Variants in SLC24A3 observed in about 807,000 individuals in gnomAD.
SLC24A3 encodes solute carrier family 24 member 3, also known as sodium/potassium/calcium exchanger 3.
SLC24A3 carries 28 observed loss-of-function variants against 75.8 expected under a neutral mutation model. The ratio of observed to expected loss-of-function variants is 0.37; its 90% confidence interval spans 0.27 to 0.51. The LOEUF is 0.51. SLC24A3 is among the 20% of genes least tolerant of loss of function. SLC24A3 has a pLI of 0.94. For missense variants in SLC24A3, 663 were observed against 847.8 expected, an observed-to-expected ratio of 0.78 and a Z score of 2.71; for synonymous variants, 372 against 334.1, an observed-to-expected ratio of 1.11 and a Z score of -1.24.
At chr20:19,295,247 A>G (rs529398972) in intron 2 of SLC24A3, among the ~76,000 whole-genome samples, 2 of 152,204 alleles carry the variant, frequency 1.3e-5, no homozygotes, top group African/African-American at 4.8e-5. Context: ...TTGTCAGCTT[A>G]AGAAGCTTTT....
At chr20:19,671,631 G>T (rs1471814683) in intron 8 of SLC24A3, among the ~76,000 whole-genome samples, 4 of 146,442 alleles carry the variant, frequency 2.7e-5, no homozygotes, top group Non-Finnish European at 6.0e-5. Flanking sequence ...CAAAGCCCAG[G>T]GTTGGTTTTT....
At chr20:19,610,523 GCAT>G (rs1315507065) in intron 6 of SLC24A3, among the ~76,000 whole-genome samples, 1 of 152,144 alleles carries the variant, frequency 6.6e-6, no homozygotes, top group Non-Finnish European at 1.5e-5. Context: ...CCTTTTTTCT[GCAT>G]CAAGTTTTGT....
chr20:19,608,805 G>A (rs886564622), intron 6 of SLC24A3, among the ~76,000 whole-genome samples: 11 of 152,104 alleles, frequency 7.2e-5, no homozygotes, highest in Admixed American at 4.6e-4. Flanking sequence ...TGATCTGACC[G>A]CTTTAAAAAC....
intron 9 of SLC24A3, among the ~76,000 whole-genome samples, chr20:19,679,056 C>T (rs1197929422): frequency 2.7e-5 from 4 of 149,616 alleles, no homozygotes; most frequent in African/African-American, 7.4e-5. Context: ...ACATCCCAGA[C>T]GATGGGCGGC....
rs1308506894 is a variant in SLC24A3 at position 19,390,200 on chromosome 20, G to A, written c.271+109113G>A. 2.6e-5 allele frequency among the ~76,000 whole-genome samples: 4 copies of A among 152,034 alleles called. No homozygotes were observed. In the East Asian group the frequency reaches 7.7e-4, roughly 29 times the overall value. ...TTATTATTTTGAATTCTTTGGCCAGGCAGTTTATAAATTTCTATATTTTGA... is the reference window on the plus strand; with the variant it reads ...TTATTATTTTGAATTCTTTGGCCAGACAGTTTATAAATTTCTATATTTTGA... On this transcript the variant is annotated intron_variant, in intron 2 of 16. Coordinates refer to ENST00000328041, the MANE Select transcript of SLC24A3 (RefSeq NM_020689.4).
At chr20:19,705,355 G>T (rs139079309) in intron 15 of SLC24A3, among the ~76,000 whole-genome samples, 1,601 of 152,248 alleles carry the variant, frequency 0.011, 29 homozygotes, top group African/African-American at 0.036. Flanking sequence ...CTCTCTTTGG[G>T]TGTCTTCAAG....
At chr20:19,476,189 G>C (rs1196296777) in intron 2 of SLC24A3, among the ~76,000 whole-genome samples, 1 of 152,174 alleles carries the variant, frequency 6.6e-6, no homozygotes, top group Non-Finnish European at 1.5e-5. Context: ...TTATATAAAT[G>C]CCTTCAGAGA....
intron 8 of SLC24A3, among the ~76,000 whole-genome samples, chr20:19,667,499 G>A (rs6046236): frequency 0.15 from 22,134 of 152,236 alleles, 1,746 homozygotes; most frequent in Non-Finnish European, 0.18. Flanking sequence ...GCAAACAGTA[G>A]GTGCTTCAAC....
intron 2 of SLC24A3, among the ~76,000 whole-genome samples, chr20:19,425,629 T>A (rs1416547744): frequency 6.6e-6 from 1 of 152,174 alleles, no homozygotes; most frequent in African/African-American, 2.4e-5. Flanking sequence ...CTACAGTTTT[T>A]CCATTTTAAA....
At chr20:19,488,187 T>C (rs1568632362) in intron 2 of SLC24A3, among the ~76,000 whole-genome samples, 1 of 152,186 alleles carries the variant, frequency 6.6e-6, no homozygotes, top group Non-Finnish European at 1.5e-5. Context: ...GCAGCTATAA[T>C]CATGGGACCT....
chr20:19,686,782 A>T (rs763946227), intron 12 of SLC24A3, among the ~76,000 whole-genome samples: 3 of 152,324 alleles, frequency 2.0e-5, no homozygotes, highest in Non-Finnish European at 4.4e-5. Flanking sequence ...TCAAGAACTT[A>T]TCAGAAAATA....
intron 6 of SLC24A3, among the ~76,000 whole-genome samples, chr20:19,605,505 T>C (rs567304342): frequency 6.6e-6 from 1 of 152,198 alleles, no homozygotes; most frequent in East Asian, 1.9e-4. Flanking sequence ...TCTTAAAGAT[T>C]CTTAGAATAT....
At chr20:19,305,623 C>A (rs1397448400) in intron 2 of SLC24A3, among the ~76,000 whole-genome samples, 1 of 151,990 alleles carries the variant, frequency 6.6e-6, no homozygotes, top group African/African-American at 2.4e-5. Flanking sequence ...ATCTGGTCTT[C>A]AAAAAAGTCA....
In SLC24A3 at chr20:19,281,104, C is replaced by T. The variant is rs572686006; in HGVS notation, c.271+17C>T. 7 of 1,613,266 alleles carry T rather than the reference C, an allele frequency of 4.3e-6. No homozygotes were observed. The highest frequency in any genetic ancestry group is 1.3e-5 in the African/African-American group (1 of 75,030). Reference sequence around the variant, plus strand: ...CCGAACCAGGTAACAGTGCTGACTACTCATGGGCAGCAGCTGTCATTTTCT... The same window carrying T: ...CCGAACCAGGTAACAGTGCTGACTATTCATGGGCAGCAGCTGTCATTTTCT... On this transcript the variant is annotated intron_variant, in intron 2 of 16. Transcript: ENST00000328041.
At chr20:19,720,961 T>G in intron 16 of SLC24A3, 30 bp from the exon 17 acceptor site, 1 of 1,610,706 alleles carries the variant, frequency 6.2e-7, no homozygotes, top group Admixed American at 1.7e-5. Context: ...CTCCTCCTGG[T>G]GCCCTCTGAA....
At chr20:19,565,401 C>A (rs891575922) in intron 3 of SLC24A3, among the ~76,000 whole-genome samples, 9 of 94,278 alleles carry the variant, frequency 9.5e-5, no homozygotes, top group Non-Finnish European at 1.8e-4. Flanking sequence ...AATTTGTGTT[C>A]TCGGGGGGTG....
intron 3 of SLC24A3, among the ~76,000 whole-genome samples, chr20:19,526,345 G>A (rs984850807): frequency 6.6e-6 from 1 of 152,158 alleles, no homozygotes; most frequent in Non-Finnish European, 1.5e-5. Context: ...AATATTCTGG[G>A]CCTCAGTGTC....
chr20:19,605,811 A>G (rs1473922253), intron 6 of SLC24A3, among the ~76,000 whole-genome samples: 4 of 152,214 alleles, frequency 2.6e-5, no homozygotes, highest in Admixed American at 2.6e-4. Flanking sequence ...AAAACAAATT[A>G]TACCTATCAG....
chr20:19,290,708 C>T (rs1233343200), intron 2 of SLC24A3, among the ~76,000 whole-genome samples: 2 of 152,112 alleles, frequency 1.3e-5, no homozygotes, highest in East Asian at 1.9e-4. Flanking sequence ...TGGCCTGAGA[C>T]CCACCTCTTG....
Sources: allele counts gnomAD v4.1 joint callset (sites outside exome capture counted in the v4.1 genomes callset), GRCh38; gene constraint gnomAD v4.1.1; transcripts MANE v1.5; gene names NCBI Gene and HGNC (gene_info 2026-07-23, HGNC 2026-07-21).